CHCHD3: variants seen among roughly 807,000 people sequenced by gnomAD.
CHCHD3 encodes the protein coiled-coil-helix-coiled-coil-helix domain containing 3.
In CHCHD3, 20 loss-of-function variants were observed where a neutral mutation model predicts 38.2. The ratio of observed to expected loss-of-function variants is 0.52; its 90% CI spans 0.37 to 0.76. CHCHD3 has a LOEUF of 0.76. Among genes scored for constraint, CHCHD3 ranks in the 30% least tolerant of loss-of-function variants. The pLI, the probability that CHCHD3 is intolerant of heterozygous loss-of-function variation, is 0.00. For synonymous variants in CHCHD3, 82 were observed against 100.0 expected (o/e 0.82, Z 1.07); for missense variants, 245 against 279.2 (o/e 0.88, Z 0.87).
intron 6 of CHCHD3, among the ~76,000 whole-genome samples, chr7:132,799,915 C>A (rs1238346097): frequency 6.6e-6 from 1 of 152,152 alleles, no homozygotes; most frequent in Non-Finnish European, 1.5e-5. Context: ...CCCTCCCTAC[C>A]CCACACAGTG....
intron 1 of CHCHD3, among the ~76,000 whole-genome samples, chr7:133,077,153 T>G (rs1815021874): frequency 1.3e-5 from 2 of 152,306 alleles, no homozygotes; most frequent in East Asian, 1.9e-4. Context: ...TTCTTTACAT[T>G]TGTCATTAGT....
intron 5 of CHCHD3, among the ~76,000 whole-genome samples, chr7:132,843,329 G>A (rs1340578573): frequency 1.3e-5 from 2 of 152,100 alleles, no homozygotes; most frequent in African/African-American, 2.4e-5. Flanking sequence ...CCAGGAAGCT[G>A]CATTATTTAC....
intron 4 of CHCHD3, among the ~76,000 whole-genome samples, chr7:132,892,740 G>A (rs1033151806): frequency 3.3e-5 from 5 of 152,180 alleles, no homozygotes; most frequent in East Asian, 1.9e-4. Context: ...AGCTCTAGCC[G>A]TGGCTAAAAG....
rs1461509031 is a variant in CHCHD3 at position 132,885,457 on chromosome 7, A to T, written c.453+205T>A. ...TCCCAAGTGGTAAAATGCATCAGTG[A>T]ACAAATAACGCAACCATTCCAAAGT... On this transcript the variant is annotated intron_variant, in intron 5 of 7. Transcript: ENST00000262570. Among the ~76,000 whole-genome samples, 4 of 152,182 alleles carry T rather than the reference A, an allele frequency of 2.6e-5. 1 individual carries two copies. In the South Asian group the frequency reaches 8.3e-4, roughly 32 times the overall value.
rs550083394 is a variant in CHCHD3 at position 132,858,319 on chromosome 7, T to A, written c.454-19850A>T. On this transcript the variant is annotated intron_variant, in intron 5 of 7. Coordinates refer to ENST00000262570, the MANE Select transcript of CHCHD3 (RefSeq NM_017812.4). ...CTCAGGTGATCCACCTGCTTCAGCCTCCCAAAGTGCTGGGATTACAGGCAT... is the reference window on the plus strand; with the variant it reads ...CTCAGGTGATCCACCTGCTTCAGCCACCCAAAGTGCTGGGATTACAGGCAT... 9.8e-5 allele frequency among the ~76,000 whole-genome samples: 15 copies of A among 152,360 alleles called. No individual in the cohort carries two copies. In the South Asian group the frequency reaches 3.1e-3, roughly 32 times the overall value.
At chr7:132,965,645 T>C (rs1223191857) in intron 4 of CHCHD3, among the ~76,000 whole-genome samples, 1 of 152,164 alleles carries the variant, frequency 6.6e-6, no homozygotes, top group Non-Finnish European at 1.5e-5. Context: ...ATAGGTAAGA[T>C]AGGATTTAAA....
At chr7:132,916,699 A>G (rs1810114935) in intron 4 of CHCHD3, among the ~76,000 whole-genome samples, 1 of 152,132 alleles carries the variant, frequency 6.6e-6, no homozygotes, top group Non-Finnish European at 1.5e-5. Context: ...CTCCCACCTC[A>G]GCCTCCTGAG....
chr7:132,920,529 G>A (rs772956616), intron 4 of CHCHD3, among the ~76,000 whole-genome samples: 8 of 152,118 alleles, frequency 5.3e-5, no homozygotes, highest in African/African-American at 9.7e-5. Flanking sequence ...CTGAATGACC[G>A]AACACACACA....
intron 3 of CHCHD3, among the ~76,000 whole-genome samples, chr7:132,997,477 C>G (rs917182292): frequency 2.6e-5 from 4 of 152,030 alleles, no homozygotes; most frequent in African/African-American, 9.7e-5. Context: ...ATCACCTCAT[C>G]AGTTGTGAAT....
intron 6 of CHCHD3, among the ~76,000 whole-genome samples, chr7:132,837,659 G>A (rs180981332): frequency 3.2e-4 from 48 of 152,294 alleles, no homozygotes; most frequent in Middle Eastern, 3.4e-3. Flanking sequence ...GTCAGAGCCC[G>A]ATGCAATCTT....
intron 5 of CHCHD3, among the ~76,000 whole-genome samples, chr7:132,877,055 CAAA>C (rs1808931960): frequency 6.6e-6 from 1 of 152,064 alleles, no homozygotes; most frequent in African/African-American, 2.4e-5. Context: ...AATAGAGCCC[CAAA>C]TTAAGTGCTG....
intron 4 of CHCHD3, among the ~76,000 whole-genome samples, chr7:132,963,531 C>T (rs1202248056): frequency 6.6e-6 from 1 of 151,022 alleles, no homozygotes; most frequent in South Asian, 2.1e-4. Context: ...ACTCGCGAGG[C>T]TGAGGCAGAA....
intron 3 of CHCHD3, among the ~76,000 whole-genome samples, chr7:133,000,675 T>A (rs1171999611): frequency 6.6e-6 from 1 of 152,154 alleles, no homozygotes; most frequent in African/African-American, 2.4e-5. Context: ...AGAAGCCACA[T>A]TAGAAAACTA....
At chr7:132,914,167 T>TGTGTGTGTGTGTG (rs1585632461) in intron 4 of CHCHD3, among the ~76,000 whole-genome samples, 6 of 144,906 alleles carry the variant, frequency 4.1e-5, no homozygotes, top group African/African-American at 1.5e-4. Context: ...TGTGTGTGTG[T>TGTGTGTGTGTGTG]TTAGTAGAGA....
intron 4 of CHCHD3, among the ~76,000 whole-genome samples, chr7:132,922,758 GACTCC>G (rs1810292507): frequency 1.3e-5 from 2 of 152,092 alleles, no homozygotes; most frequent in South Asian, 2.1e-4. Flanking sequence ...CCACAGTTAA[GACTCC>G]CAACCTTGTC....
At chr7:132,950,766 T>A (rs1406591026) in intron 4 of CHCHD3, among the ~76,000 whole-genome samples, 3 of 152,242 alleles carry the variant, frequency 2.0e-5, no homozygotes, top group African/African-American at 7.2e-5. Flanking sequence ...AGTAGGTTGC[T>A]ATGTGGTTTC....
At chr7:133,002,833 T>C (rs1274694256) in intron 3 of CHCHD3, among the ~76,000 whole-genome samples, 1 of 152,204 alleles carries the variant, frequency 6.6e-6, no homozygotes, top group Non-Finnish European at 1.5e-5. Flanking sequence ...AATACACTCA[T>C]ATTACAGTAA....
rs117407378 is a variant in CHCHD3 at position 132,876,577 on chromosome 7, G to A, written c.453+9085C>T. Among the ~76,000 whole-genome samples the A allele has an allele frequency of 7.2e-3, 1,095 of 152,260 alleles. 29 individuals are homozygous for A. Among genetic ancestry groups the A allele is most frequent in the Non-Finnish European group, 7.0e-3 (473 of 68,016 alleles). Reference sequence around the variant, plus strand: ...GAAATGTGAAGAGTTGAGAAAGTATGCAACCCATATTGTTGGCATCTCAGC... The same window carrying A: ...GAAATGTGAAGAGTTGAGAAAGTATACAACCCATATTGTTGGCATCTCAGC... On this transcript the variant is annotated intron_variant, in intron 5 of 7. Coordinates refer to ENST00000262570, the MANE Select transcript of CHCHD3 (RefSeq NM_017812.4).
At chr7:132,933,459 T>A (rs1810564179) in intron 4 of CHCHD3, among the ~76,000 whole-genome samples, 1 of 152,172 alleles carries the variant, frequency 6.6e-6, no homozygotes, top group African/African-American at 2.4e-5. Context: ...CCTAACAACA[T>A]AAAATAGATT....
Sources: gnomAD v4.1 joint callset for allele counts (sites outside exome capture counted in the v4.1 genomes callset) on GRCh38, gnomAD v4.1.1 for gene constraint, MANE v1.5 for transcripts, NCBI Gene and HGNC (gene_info 2026-07-23, HGNC 2026-07-21) for gene names.